EPHA6: variants seen among roughly 807,000 people sequenced by gnomAD.
The protein encoded by EPHA6 is ephrin type-A receptor 6.
In EPHA6, 50 loss-of-function variants were observed where a neutral mutation model predicts 112.0. The ratio of observed to expected loss-of-function variants is 0.45; its 90% CI spans 0.36 to 0.56. EPHA6 has a LOEUF of 0.56. Ranked by LOEUF, EPHA6 falls within the 20% of genes least tolerant of loss-of-function variation. The probability of loss-of-function intolerance (pLI) is 0.00; values close to 1 mark genes in which losing one functional copy is unlikely to be tolerated. For synonymous variants in EPHA6, 529 were observed against 490.7 expected, an observed-to-expected ratio of 1.08 and a Z score of -1.03; for missense variants, 1,280 against 1,417.4, an observed-to-expected ratio of 0.90 and a Z score of 1.56.
chr3:96,908,200 A>C (rs552231443), intron 2 of EPHA6, among the ~76,000 whole-genome samples: 1 of 152,144 alleles, frequency 6.6e-6, no homozygotes, highest in East Asian at 1.9e-4. Flanking sequence ...TTATACTAGT[A>C]TGGGACCACC....
intron 12 of EPHA6, 78 bp downstream of exon 12, chr3:97,592,815 A>G (rs1223405630): frequency 1.4e-6 from 2 of 1,400,404 alleles, no homozygotes; most frequent in Admixed American, 2.8e-5. Context: ...CCCCAAATAC[A>G]AAATGAATAT....
At chr3:96,825,754 G>C (rs1201830407) in intron 1 of EPHA6, among the ~76,000 whole-genome samples, 1 of 151,824 alleles carries the variant, frequency 6.6e-6, no homozygotes, top group Non-Finnish European at 1.5e-5. Flanking sequence ...ATTTAGATTT[G>C]TACTTTTAGA....
At position 96,875,353 on chromosome 3, in the gene EPHA6, A is replaced by C. The variant is rs1007283049; in HGVS notation, c.450+8464A>C. On this transcript the variant is annotated intron_variant, in intron 2 of 17. Transcript: ENST00000389672. ...TGCATAGTTTATTATAGAGTCCCTAAATTTTTAAATATTTAATACTCGAGC... is the reference window on the plus strand; with the variant it reads ...TGCATAGTTTATTATAGAGTCCCTACATTTTTAAATATTTAATACTCGAGC... 2.6e-5 allele frequency among the ~76,000 whole-genome samples: 4 copies of C among 152,130 alleles called. No individual in the cohort carries two copies. In the East Asian group the frequency reaches 7.7e-4, roughly 29 times the overall value.
chr3:97,646,787 G>T (rs1209764788), intron 14 of EPHA6, among the ~76,000 whole-genome samples: 2 of 152,170 alleles, frequency 1.3e-5, no homozygotes, highest in Non-Finnish European at 2.9e-5. Flanking sequence ...TGTGAAATGG[G>T]TTTACTTCTT....
chr3:97,200,318 A>C (rs1442271039), intron 3 of EPHA6, among the ~76,000 whole-genome samples: 2 of 151,984 alleles, frequency 1.3e-5, no homozygotes, highest in African/African-American at 4.8e-5. Context: ...CGGGAATCAA[A>C]CTCAAGTCTG....
chr3:97,119,217 C>G (rs1224939308), intron 3 of EPHA6, among the ~76,000 whole-genome samples: 4 of 151,980 alleles, frequency 2.6e-5, no homozygotes, highest in Non-Finnish European at 5.9e-5. Context: ...CCAAGCCAGG[C>G]TACTAAGAAA....
intron 9 of EPHA6, chr3:97,481,126 G>A: frequency 3.2e-6 from 2 of 621,872 alleles, no homozygotes; most frequent in South Asian, 1.5e-5. Flanking sequence ...AAGGCAGGTG[G>A]CTGGGAGGTG....
rs553706275 is a variant in EPHA6, at chr3:96,848,346, C to T, written c.386-18479C>T. Among the ~76,000 whole-genome samples, 4 of 152,034 alleles carry T rather than the reference C, an allele frequency of 2.6e-5. No individual in the cohort carries two copies. The South Asian group carries it at 8.3e-4, about 32-fold the overall frequency. On this transcript the variant is annotated intron_variant, in intron 1 of 17. Transcript: ENST00000389672. Reference sequence around the variant, plus strand: ...TTGTGAAAATTATTAGTTACCAAATCAATTGTTATAAAAATATTTACTGTA... The same window carrying T: ...TTGTGAAAATTATTAGTTACCAAATTAATTGTTATAAAAATATTTACTGTA...
intron 5 of EPHA6, among the ~76,000 whole-genome samples, chr3:97,388,863 A>G (rs190690276): frequency 2.0e-5 from 3 of 152,314 alleles, no homozygotes; most frequent in Admixed American, 1.3e-4. Flanking sequence ...GACTAAAGTA[A>G]GGAAACTGAT....
chr3:96,917,418 CAAAAAAA>C (rs5851049), intron 2 of EPHA6, among the ~76,000 whole-genome samples: 10 of 58,086 alleles, frequency 1.7e-4, no homozygotes, highest in Admixed American at 1.6e-3. Flanking sequence ...GACTCCATCT[CAAAAAAA>C]AAAAAAAAAA....
chr3:97,234,973 A>C (rs1038371479), intron 4 of EPHA6, among the ~76,000 whole-genome samples: 2 of 152,048 alleles, frequency 1.3e-5, no homozygotes, highest in African/African-American at 4.8e-5. Context: ...TGGACTTCAA[A>C]GATGCTGAAC....
chr3:97,432,811 G>A (rs2089596045), intron 6 of EPHA6, among the ~76,000 whole-genome samples: 1 of 152,100 alleles, frequency 6.6e-6, no homozygotes, highest in Non-Finnish European at 1.5e-5. Context: ...ACCACCATAT[G>A]TCGTGAGAAC....
chr3:97,133,138 G>A (rs533785463), intron 3 of EPHA6, among the ~76,000 whole-genome samples: 1 of 152,152 alleles, frequency 6.6e-6, no homozygotes, highest in Non-Finnish European at 1.5e-5. Flanking sequence ...GATAGTAGAC[G>A]TAGATCATAG....
At chr3:97,584,395 T>C (rs1179185908) in intron 11 of EPHA6, among the ~76,000 whole-genome samples, 1 of 152,204 alleles carries the variant, frequency 6.6e-6, no homozygotes, top group African/African-American at 2.4e-5. Context: ...TGTATTTTAT[T>C]TGATATCTGC....
chr3:97,292,913 A>AC (rs1357161141), intron 5 of EPHA6, among the ~76,000 whole-genome samples: 2 of 151,332 alleles, frequency 1.3e-5, no homozygotes, highest in African/African-American at 4.9e-5. Context: ...TGGAGAGGAG[A>AC]CCTGTGGTGG....
intron 1 of EPHA6, among the ~76,000 whole-genome samples, chr3:96,827,328 A>G (rs1299458242): frequency 6.6e-6 from 1 of 152,164 alleles, no homozygotes; most frequent in Admixed American, 6.6e-5. Flanking sequence ...TTTCTTTTCC[A>G]GCCCTCATTC....
At chr3:97,514,769 T>A (rs2092421351) in intron 10 of EPHA6, among the ~76,000 whole-genome samples, 1 of 152,048 alleles carries the variant, frequency 6.6e-6, no homozygotes, top group African/African-American at 2.4e-5. Context: ...GAGATCCCTC[T>A]CTCTCCACAC....
chr3:97,635,672 C>A (rs531121393), intron 13 of EPHA6, among the ~76,000 whole-genome samples: 6 of 152,038 alleles, frequency 3.9e-5, no homozygotes, highest in African/African-American at 1.2e-4. Context: ...GGAGTTATTG[C>A]TAGTAAAGAT....
chr3:97,069,215 C>T (rs980206469), intron 3 of EPHA6, among the ~76,000 whole-genome samples: 6 of 152,086 alleles, frequency 3.9e-5, no homozygotes, highest in African/African-American at 1.4e-4. Context: ...ATACTATATT[C>T]TTACAGTAAA....
Sources: allele counts gnomAD v4.1 joint callset (sites outside exome capture counted in the v4.1 genomes callset), GRCh38; gene constraint gnomAD v4.1.1; transcripts MANE v1.5; gene names NCBI Gene and HGNC (gene_info 2026-07-23, HGNC 2026-07-21).